LRCH4: variants seen among roughly 807,000 people sequenced by gnomAD.
LRCH4 encodes leucine-rich repeat and calponin homology domain-containing protein 4.
A neutral mutation model predicts 81.2 loss-of-function variants in LRCH4; 56 were observed. That is an observed-to-expected ratio of 0.69 (90% CI 0.56 to 0.86). LRCH4 has a LOEUF of 0.86. Among genes scored for constraint, LRCH4 ranks in the 40% least tolerant of loss-of-function variants. The probability of loss-of-function intolerance (pLI) is 0.00; values close to 1 mark genes in which losing one functional copy is unlikely to be tolerated. For missense variants in LRCH4, 895 were observed against 922.8 expected (o/e 0.97, Z 0.39); for synonymous variants, 442 against 409.7 (o/e 1.08, Z -0.95).
rs1269856915 is a variant in LRCH4, at chr7:100,576,934, G to A, written c.1436C>T (p.Ala479Val). The change falls in exon 13 of 18, where the codon GCC (alanine) becomes GTC (valine). Residue 479 changes from alanine to valine, a missense_variant. Coordinates refer to ENST00000310300, the MANE Select transcript of LRCH4 (RefSeq NM_002319.5). ...AGCTATGGGAAGGGGCTCTTGGGAGGCAGGGGCAGGGGCGGGGGCTCCCTG... is the reference window on the plus strand; with the variant it reads ...AGCTATGGGAAGGGGCTCTTGGGAGACAGGGGCAGGGGCGGGGGCTCCCTG... ...AGQGAPAPAP[A>V]SQEPLPIAGP... 3.8e-5 allele frequency: 59 copies of A among 1,565,590 alleles called. No homozygotes were observed. The highest frequency in any genetic ancestry group is 5.0e-5 in the Non-Finnish European group (58 of 1,154,288).
chr7:100,576,928 T>C lies in LRCH4; in HGVS notation c.1442A>G (p.Gln481Arg), dbSNP rs775688687. Residue 481 changes from glutamine (Q) to arginine (R), a missense_variant, in exon 13 of 18, where the codon CAA (glutamine) becomes CGA (arginine). By Grantham distance (43) the Gln-to-Arg change is conservative (BLOSUM62 1). Coordinates refer to ENST00000310300, the MANE Select transcript of LRCH4 (RefSeq NM_002319.5). ...QGAPAPAPAS[Q>R]EPLPIAGPAT... is the part of the protein sequence containing the mutation. ...TGGTCCAGCTATGGGAAGGGGCTCT[T>C]GGGAGGCAGGGGCAGGGGCGGGGGC... 1 of 1,566,572 alleles carries C rather than the reference T, an allele frequency of 6.4e-7. No individual in the cohort carries two copies. The highest frequency in any genetic ancestry group is 8.7e-7 in the Non-Finnish European group (1 of 1,153,904).
rs1801452253 is a variant in LRCH4, at chr7:100,578,852, T to A, written c.599-66A>T. ...GGGCTGTGGCCTCGTGCTCACTCCCTCACCCTTGGCTCCAGCTGGCCAGTC... is the reference window on the plus strand; with the variant it reads ...GGGCTGTGGCCTCGTGCTCACTCCCACACCCTTGGCTCCAGCTGGCCAGTC... On this transcript the variant is annotated intron_variant, in intron 4 of 17. Coordinates refer to ENST00000310300, the MANE Select transcript of LRCH4 (RefSeq NM_002319.5). This position sits in a 1 kb window ranked among gnomAD's most constrained non-coding sequence, Gnocchi z 5.7. 2 of 1,559,418 alleles carry A rather than the reference T, an allele frequency of 1.3e-6. No individual in the cohort carries two copies. The highest frequency in any genetic ancestry group is 8.7e-7 in the Non-Finnish European group (1 of 1,148,106).
At chr7:100,579,550 T>C (rs1262699923) in intron 4 of LRCH4, 3 of 149,478 alleles carry the variant, frequency 2.0e-5, no homozygotes, top group East Asian at 2.0e-4. Context: ...TGAGCCGAGA[T>C]TGCGCCACTG....
At position 100,577,627 on chromosome 7, in the gene LRCH4, C is replaced by T; in HGVS notation, c.1116+37G>A. 1 of 1,612,546 alleles carries T rather than the reference C, an allele frequency of 6.2e-7. No individual in the cohort carries two copies. ...ACGCCTGCCCTGTCCCCTCCTCCAGCTCCCCTCCCTTGGGAGAGGCATAGC... is the reference window on the plus strand; with the variant it reads ...ACGCCTGCCCTGTCCCCTCCTCCAGTTCCCCTCCCTTGGGAGAGGCATAGC... On this transcript the variant is annotated intron_variant, in intron 9 of 17. Coordinates refer to ENST00000310300, the MANE Select transcript of LRCH4 (RefSeq NM_002319.5). The surrounding 1 kb of genome is among the most constrained non-coding windows in gnomAD (Gnocchi z 6.7).
Position 100,582,358 on chromosome 7 carries a change from G to A in LRCH4, c.322C>T (p.Pro108Ser). Residue 108 changes from proline (P) to serine (S), a missense_variant, in exon 2 of 18, where the codon CCA (proline) becomes TCA (serine). Transcript: ENST00000310300. The surrounding 1 kb of genome is among the most constrained non-coding windows in gnomAD (Gnocchi z 5.0). ...AGGGCTGTGAGATTCCCCAAGGCTGGGTTCAGGCATCTCAGGCAATTGTGG... is the reference window on the plus strand; with the variant it reads ...AGGGCTGTGAGATTCCCCAAGGCTGAGTTCAGGCATCTCAGGCAATTGTGG... ...LYHNCLRCLN[P>S]ALGNLTALTY... The A allele has an allele frequency of 6.2e-7, 1 of 1,614,172 alleles. No homozygotes were observed. The highest frequency in any genetic ancestry group is 8.5e-7 in the Non-Finnish European group (1 of 1,180,028).
rs1397680391 is a variant in LRCH4 at position 100,583,056 on chromosome 7, GA to G, written c.221-598del. Reference sequence around the variant, plus strand: ...CAAGGACCAGCAAGCCAGGTCCAAAGAATCATAAAGTTACTGATTCCCAAGG... The same window carrying G: ...CAAGGACCAGCAAGCCAGGTCCAAAGATCATAAAGTTACTGATTCCCAAGG... On this transcript the variant is annotated intron_variant, in intron 1 of 17. Transcript: ENST00000310300. This position sits in a 1 kb window ranked among gnomAD's most constrained non-coding sequence, Gnocchi z 4.3. Among the ~76,000 whole-genome samples, 1 of 152,318 alleles carries G rather than the reference GA, an allele frequency of 6.6e-6. No homozygotes were observed.
At position 100,586,126 on chromosome 7, in the gene LRCH4, G is replaced by A. The variant is rs1317054980; in HGVS notation, c.-26C>T. ...CCGCTCCCGGCGGCTCCCGCTGCCT[G>A]ACTGACGGGACCGGCCGTCCCTCCT... On this transcript the variant is annotated 5_prime_UTR_variant, in exon 1 of 18. Coordinates refer to ENST00000310300, the MANE Select transcript of LRCH4 (RefSeq NM_002319.5). The A allele has an allele frequency of 6.7e-7, 1 of 1,496,596 alleles. No homozygotes were observed. Among genetic ancestry groups the A allele is most frequent in the Non-Finnish European group, 8.9e-7 (1 of 1,119,618 alleles). The allele number at this position is 1,496,596 out of a possible 1,614,324, so 92.7% of individuals were successfully genotyped here. A position where few individuals can be genotyped will look rare whatever the true frequency, so the allele number is the denominator to read the frequency against.
In LRCH4 at chr7:100,578,250, T is replaced by C. The variant is rs1801432642; in HGVS notation, c.857A>G (p.Glu286Gly). 1.9e-6 allele frequency: 3 copies of C among 1,614,144 alleles called. No homozygotes were observed. The highest frequency in any genetic ancestry group is 1.1e-5 in the South Asian group (1 of 91,086). The change falls in exon 7 of 18, where the codon GAG becomes GGG. Residue 286 changes from glutamate (E) to glycine (G), a missense_variant. Around this residue, in one of 3 missense-constraint regions of LRCH4, gnomAD observed 360 missense variants for 397.0 expected, o/e 0.91. Transcript: ENST00000310300. The surrounding 1 kb of genome is among the most constrained non-coding windows in gnomAD (Gnocchi z 5.7). ...RPPSFSPCPA[E>G]DLFPGHRYDG... is the part of the protein sequence containing the mutation. The stretch of plus-strand genomic sequence containing the variant: ...GTACCGATGTCCCGGAAATAGATCC[T>C]CTGCAGGGCTGGGGCCAGCCAGGCG...
chr7:100,585,838 C>CA lies in LRCH4; in HGVS notation c.220+42dup, dbSNP rs752418291. ...GGGCGGGGCCCGGGGTGGGGCTATGCAAATGAGGGACCCGGTTGGGCCCGG... is the reference window on the plus strand; with the variant it reads ...GGGCGGGGCCCGGGGTGGGGCTATGCAAAATGAGGGACCCGGTTGGGCCCGG... On this transcript the variant is annotated intron_variant, in intron 1 of 17. Transcript: ENST00000310300. 9.9e-6 allele frequency: 15 copies of CA among 1,513,266 alleles called. No homozygotes were observed. In the South Asian group the frequency reaches 1.7e-4, roughly 17 times the overall value. 93.7% of individuals were successfully genotyped at this position (1,513,266 alleles called of 1,614,324 possible).
intron 1 of LRCH4, 22 bp downstream of exon 1, chr7:100,585,859 C>T (rs1801724257): frequency 1.9e-6 from 3 of 1,546,176 alleles, no homozygotes; most frequent in Non-Finnish European, 2.6e-6. Context: ...CCCGGTTGGG[C>T]CCGGGGCCCG....
At chr7:100,584,567 A>G in intron 1 of LRCH4, 1 of 393,878 alleles carries the variant, frequency 2.5e-6, no homozygotes, top group Admixed American at 2.9e-5. Context: ...GGAAGGGAAC[A>G]GACAGTGAGT....
Position 100,574,035 on chromosome 7 carries a change from G to A in LRCH4, c.*1072C>T, listed in dbSNP as rs112460186. The A allele has an allele frequency of 0.014, 2,281 of 166,314 alleles. 34 individuals carry two copies. Among genetic ancestry groups the A allele is most frequent in the Non-Finnish European group, 0.022 (1,717 of 76,562 alleles). The allele number at this position is 166,314 out of a possible 1,614,324, so 10.3% of individuals were successfully genotyped here. On this transcript the variant is annotated 3_prime_UTR_variant, in exon 18 of 18. Transcript: ENST00000310300. ...GTTACACCTGAGGGCCACCCAGAGGGCTTCTGGCTTCTGTTTATTGCGGCT... is the reference window on the plus strand; with the variant it reads ...GTTACACCTGAGGGCCACCCAGAGGACTTCTGGCTTCTGTTTATTGCGGCT...
At position 100,577,539 on chromosome 7, in the gene LRCH4, A is replaced by C; in HGVS notation, c.1136T>G (p.Leu379Ter). 6.2e-7 allele frequency: 1 copy of C among 1,610,618 alleles called. No homozygotes were observed. Residue 379 changes from leucine to a stop codon, truncating the protein, a stop_gained, in exon 10 of 18, where the codon TTA becomes TGA. Coordinates refer to ENST00000310300, the MANE Select transcript of LRCH4 (RefSeq NM_002319.5). LOFTEE classifies it high-confidence loss of function. This position sits in a 1 kb window ranked among gnomAD's most constrained non-coding sequence, Gnocchi z 6.7. ...CTCCCTGTCCCCTGCCCCAGGGCTT[A>C]ATTCGGGTGGTCGCTGCTCCTAAGG... ...GTVEEQRPPELSPGAGDRERA... is the reference protein window; with the variant it reads ...GTVEEQRPPE
Position 100,586,063 on chromosome 7 carries a change from C to A in LRCH4, c.38G>T (p.Gly13Val), listed in dbSNP as rs772586363. Reference sequence around the variant, plus strand: ...GGAGGTCGTGGCTGCCGCCTCCTCACCCCCGGCGGCGAGTGGAGCCGCTAC... The same window carrying A: ...GGAGGTCGTGGCTGCCGCCTCCTCAACCCCGGCGGCGAGTGGAGCCGCTAC... ...AAVAAPLAAG[G>V]EEAAATTSVP... Residue 13 changes from glycine (G) to valine (V), a missense_variant, in exon 1 of 18, where the codon GGT becomes GTT. By Grantham distance (109) the Gly-to-Val change is moderately radical. Transcript: ENST00000310300. 7.0e-6 allele frequency: 11 copies of A among 1,563,046 alleles called. No individual in the cohort carries two copies. The African/African-American group carries it at 1.2e-4, about 18-fold the overall frequency.
rs1801421236 is a variant in LRCH4 at position 100,577,812 on chromosome 7, T to TGCTACTCACCTGAGCCATCCTC, written c.1027_1039+9dup. On this transcript the variant is annotated intron_variant, in intron 8 of 17. Transcript: ENST00000310300. This position sits in a 1 kb window ranked among gnomAD's most constrained non-coding sequence, Gnocchi z 6.7. ...GTCCAGCCCAGCTCCCGGCCAGCCC[T>TGCTACTCACCTGAGCCATCCTC]GCTACTCACCTGAGCCATCCTCCTT... 6.2e-7 allele frequency: 1 copy of TGCTACTCACCTGAGCCATCCTC among 1,613,966 alleles called. No individual in the cohort carries two copies. The highest frequency in any genetic ancestry group is 8.5e-7 in the Non-Finnish European group (1 of 1,179,884).
Position 100,586,102 on chromosome 7 carries a change from C to T in LRCH4, c.-2G>A, listed in dbSNP as rs1399996818. ...TGGAGCCGCTACGGCCGCCGCCATC[C>T]GCTCCCGGCGGCTCCCGCTGCCTGA... On this transcript the variant is annotated 5_prime_UTR_variant, in exon 1 of 18. Transcript: ENST00000310300. 3.3e-6 allele frequency: 5 copies of T among 1,518,340 alleles called. No individual in the cohort carries two copies. In the Admixed American group the frequency reaches 1.0e-4, roughly 32 times the overall value. 94.1% of individuals were successfully genotyped at this position (1,518,340 alleles called of 1,614,324 possible).
At position 100,582,043 on chromosome 7, in the gene LRCH4, G is replaced by A. The variant is rs907271094; in HGVS notation, c.490C>T (p.Leu164Phe). 3 of 1,607,002 alleles carry A rather than the reference G, an allele frequency of 1.9e-6. No homozygotes were observed. Among genetic ancestry groups the A allele is most frequent in the African/African-American group, 2.7e-5 (2 of 74,584 alleles). ...CCTGGTCCCGTCCCCATCCTCACAA[G>A]CTGTCGCAGGCTTCCCAGGGTGCCG... ...DIGTLGSLRQ[L>F]DVSSNELQSL... The change falls in exon 3 of 18, where the codon CTT becomes TTT. Residue 164 changes from leucine to phenylalanine, a missense_variant and splice_region_variant. Leu to Phe is a conservative substitution (Grantham distance 22). Around this residue, in one of 3 missense-constraint regions of LRCH4, gnomAD observed 360 missense variants for 397.0 expected, o/e 0.91. Coordinates refer to ENST00000310300, the MANE Select transcript of LRCH4 (RefSeq NM_002319.5). This position sits in a 1 kb window ranked among gnomAD's most constrained non-coding sequence, Gnocchi z 5.0.
chr7:100,576,988 C>T lies in LRCH4; in HGVS notation c.1382G>A (p.Ser461Asn), dbSNP rs369601562. Residue 461 changes from serine (S) to asparagine (N), a missense_variant, in exon 13 of 18, where the codon AGT (serine) becomes AAT (asparagine). Ser to Asn is a conservative substitution (Grantham distance 46, BLOSUM62 1). Around this residue, in one of 3 missense-constraint regions of LRCH4, gnomAD observed 529 missense variants for 504.9 expected, o/e 1.05. Coordinates refer to ENST00000310300, the MANE Select transcript of LRCH4 (RefSeq NM_002319.5). Reference sequence around the variant, plus strand: ...CGCTGCAGCCCCTGCTTGGGAGGCACTGGACTTAGGCGAGCCGCTGAGGAG... The same window carrying T: ...CGCTGCAGCCCCTGCTTGGGAGGCATTGGACTTAGGCGAGCCGCTGAGGAG... ...QAMHNGSPKS[S>N]ASQAGAAAGQ... 4 of 1,608,450 alleles carry T rather than the reference C, an allele frequency of 2.5e-6. No individual in the cohort carries two copies. The East Asian group carries it at 8.9e-5, about 36-fold the overall frequency.
rs1801638691 is a variant in LRCH4 at position 100,583,967 on chromosome 7, A to G, written c.221-1508T>C. 2 of 354,548 alleles carry G rather than the reference A, an allele frequency of 5.6e-6. No homozygotes were observed. The highest frequency in any genetic ancestry group is 3.5e-5 in the Admixed American group (1 of 28,864). 22.0% of individuals were successfully genotyped at this position (354,548 alleles called of 1,614,324 possible). On this transcript the variant is annotated intron_variant, in intron 1 of 17. Transcript: ENST00000310300. The surrounding 1 kb of genome is among the most constrained non-coding windows in gnomAD (Gnocchi z 4.3). ...GGGCACAGGATGTGGTCTGGGAGAG[A>G]ATGAGCTGCACTTCTCCTTTGCAAG...
Sources: gnomAD v4.1 joint callset for allele counts (sites outside exome capture counted in the v4.1 genomes callset) on GRCh38, gnomAD v4.1.1 for gene constraint, gnomAD v4.1.1 regional missense constraint, Gnocchi (gnomAD v3.1) non-coding constraint, MANE v1.5 for transcripts, NCBI Gene and HGNC (gene_info 2026-07-23, HGNC 2026-07-21) for gene names.